LRRC7: variants seen among roughly 807,000 people sequenced by gnomAD.
LRRC7 encodes the protein leucine rich repeat containing 7, also known as leucine-rich repeat-containing protein 7.
Under a neutral mutation model 175.7 loss-of-function variants are expected in LRRC7, and 23 were observed. The ratio of observed to expected loss-of-function variants is 0.13; its 90% CI spans 0.09 to 0.19. LRRC7 has a LOEUF of 0.19. Ranked by LOEUF, LRRC7 falls within the 10% of genes least tolerant of loss-of-function variation. The pLI is 1.00. For synonymous variants in LRRC7, 685 were observed against 680.9 expected, an observed-to-expected ratio of 1.01 and a Z score of -0.09; for missense variants, 1,354 against 1,904.7, an observed-to-expected ratio of 0.71 and a Z score of 5.38.
At chr1:69,970,453 A>G (rs1318540723) in intron 8 of LRRC7, among the ~76,000 whole-genome samples, 1 of 152,198 alleles carries the variant, frequency 6.6e-6, no homozygotes, top group Non-Finnish European at 1.5e-5. Context: ...AGATATTACA[A>G]CTGACATCAC....
intron 1 of LRRC7, among the ~76,000 whole-genome samples, chr1:69,576,760 G>C (rs1360372905): frequency 6.6e-6 from 1 of 152,104 alleles, no homozygotes; most frequent in Non-Finnish European, 1.5e-5. Flanking sequence ...TCAGTGTACT[G>C]TTCAGAGGCT....
At chr1:69,996,264 A>T (rs964122765) in intron 11 of LRRC7, among the ~76,000 whole-genome samples, 6 of 151,856 alleles carry the variant, frequency 4.0e-5, no homozygotes, top group Admixed American at 3.3e-4. Context: ...GTTTTTTTCT[A>T]GTAAATTCGT....
intron 7 of LRRC7, among the ~76,000 whole-genome samples, chr1:69,876,122 C>G (rs1443484959): frequency 6.6e-6 from 1 of 151,986 alleles, no homozygotes; most frequent in African/African-American, 2.4e-5. Flanking sequence ...TACATATGCC[C>G]GTATATTTCT....
chr1:69,628,943 C>A (rs1290660171), intron 1 of LRRC7, among the ~76,000 whole-genome samples: 1 of 152,036 alleles, frequency 6.6e-6, no homozygotes, highest in Non-Finnish European at 1.5e-5. Context: ...TAGACACAGA[C>A]CTTACACCCT....
At chr1:69,627,119 C>T (rs777066176) in intron 1 of LRRC7, among the ~76,000 whole-genome samples, 5 of 151,988 alleles carry the variant, frequency 3.3e-5, no homozygotes, top group Admixed American at 6.6e-5. Context: ...AAATGGTATT[C>T]CTAGTTCTAG....
rs1425133012 is a variant in LRRC7 at position 70,089,835 on chromosome 1, C to T, written c.4545+16C>T. The T allele has an allele frequency of 1.3e-6, 2 of 1,511,434 alleles. No homozygotes were observed. The highest frequency in any genetic ancestry group is 1.8e-5 in the Admixed American group (1 of 57,044). The allele number at this position is 1,511,434 out of a possible 1,614,324, so 93.6% of individuals were successfully genotyped here. On this transcript the variant is annotated intron_variant, in intron 25 of 26. Coordinates refer to ENST00000651989, the MANE Select transcript of LRRC7 (RefSeq NM_001370785.2). Reference sequence around the variant, plus strand: ...TTCTGACAAGGTAAGAAATGAATATCTTGTTGACAATATTAATTAGAAAAA... The same window carrying T: ...TTCTGACAAGGTAAGAAATGAATATTTTGTTGACAATATTAATTAGAAAAA...
Position 70,121,857 on chromosome 1 carries a change from C to A in LRRC7, c.4698C>A (p.Asp1566Glu), listed in dbSNP as rs749706768. Residue 1566 changes from aspartate to glutamate, a missense_variant, in exon 27 of 27, where the codon GAC becomes GAA. By Grantham distance (45) the Asp-to-Glu change is conservative (BLOSUM62 2). This residue lies in a region of LRRC7 where 53 missense variants were observed against 112.6 expected (regional missense o/e 0.47). Transcript: ENST00000651989. ...TGAAGAGTTTCCAGAACACAGTAGA[C>A]CTAGTTATTCAACGTGAGCTTACTG... ...LLLKSFQNTV[D>E]LVIQRELTV 3.1e-6 allele frequency: 5 copies of A among 1,609,892 alleles called. No homozygotes were observed. The highest frequency in any genetic ancestry group is 3.4e-6 in the Non-Finnish European group (4 of 1,176,476).
intron 18 of LRRC7, among the ~76,000 whole-genome samples, chr1:70,034,974 T>G (rs1177117865): frequency 6.6e-6 from 1 of 152,148 alleles, no homozygotes; most frequent in East Asian, 1.9e-4. Context: ...ATAAAATTTA[T>G]AGTAAGAGTT....
intron 8 of LRRC7, among the ~76,000 whole-genome samples, chr1:69,971,175 G>T (rs1652197543): frequency 6.6e-6 from 1 of 152,094 alleles, no homozygotes; most frequent in Non-Finnish European, 1.5e-5. Context: ...GCATAATACT[G>T]AATGGGGAAA....
intron 7 of LRRC7, among the ~76,000 whole-genome samples, chr1:69,882,173 A>C (rs894810624): frequency 1.3e-5 from 2 of 152,172 alleles, no homozygotes; most frequent in Non-Finnish European, 2.9e-5. Context: ...CAAAGCCATG[A>C]GTTATCACAG....
intron 8 of LRRC7, among the ~76,000 whole-genome samples, chr1:69,952,782 C>T (rs1650071947): frequency 6.6e-6 from 1 of 151,786 alleles, no homozygotes; most frequent in Admixed American, 6.6e-5. Context: ...CTAGTTAGTG[C>T]CAACAAAATA....
At chr1:69,858,367 C>A (rs1026713717) in intron 7 of LRRC7, among the ~76,000 whole-genome samples, 2 of 152,080 alleles carry the variant, frequency 1.3e-5, no homozygotes, top group East Asian at 3.8e-4. Flanking sequence ...ACTCATCTGA[C>A]AAAGGACTAA....
chr1:69,695,312 C>G (rs768719826), intron 2 of LRRC7, among the ~76,000 whole-genome samples: 1 of 152,142 alleles, frequency 6.6e-6, no homozygotes, highest in Non-Finnish European at 1.5e-5. Context: ...CAGAAGAAAT[C>G]TATAAGCAGA....
chr1:69,874,356 T>C (rs568920371), intron 7 of LRRC7: 2 of 152,288 alleles, frequency 1.3e-5, no homozygotes, highest in African/African-American at 2.4e-5. Flanking sequence ...ATATTTCATA[T>C]TGAAATTTTG....
At chr1:69,808,358 C>T (rs990669953) in intron 4 of LRRC7, among the ~76,000 whole-genome samples, 1 of 151,782 alleles carries the variant, frequency 6.6e-6, no homozygotes. Context: ...ATGAACAAGA[C>T]AAAAAATTAA....
intron 2 of LRRC7, among the ~76,000 whole-genome samples, chr1:69,709,983 C>A (rs1664543132): frequency 6.6e-6 from 1 of 151,760 alleles, no homozygotes; most frequent in African/African-American, 2.4e-5. Flanking sequence ...TAGGGATGAT[C>A]TAGAAAAAAA....
At chr1:69,775,770 A>T (rs1459193580) in intron 3 of LRRC7, among the ~76,000 whole-genome samples, 1 of 152,224 alleles carries the variant, frequency 6.6e-6, no homozygotes, top group Non-Finnish European at 1.5e-5. Flanking sequence ...TGCGAAATTC[A>T]TCTGAATTGT....
chr1:69,799,244 T>A (rs957459160), intron 4 of LRRC7, among the ~76,000 whole-genome samples: 1 of 152,112 alleles, frequency 6.6e-6, no homozygotes, highest in African/African-American at 2.4e-5. Flanking sequence ...GGGATACAAC[T>A]GTTTTGTTAG....
chr1:69,671,252 G>A (rs1308859953), intron 1 of LRRC7, among the ~76,000 whole-genome samples: 5 of 152,084 alleles, frequency 3.3e-5, no homozygotes, highest in African/African-American at 1.2e-4. Flanking sequence ...AAGGCAGCAT[G>A]TTCCCTTCTT....
Sources: allele counts gnomAD v4.1 joint callset (sites outside exome capture counted in the v4.1 genomes callset), GRCh38; gene constraint gnomAD v4.1.1; regional missense constraint gnomAD v4.1.1; transcripts MANE v1.5; gene names NCBI Gene and HGNC (gene_info 2026-07-23, HGNC 2026-07-21).